Variants in ALPL observed in about 807,000 individuals in gnomAD.
ALPL encodes alkaline phosphatase, biomineralization associated, also known as alkaline phosphatase, tissue-nonspecific isozyme.
ALPL carries 42 observed loss-of-function variants against 51.3 expected under a neutral mutation model. That is an observed-to-expected ratio of 0.82 (90% CI 0.64 to 1.06). ALPL has a LOEUF of 1.06. Ranked by LOEUF, ALPL falls within the 50% of genes least tolerant of loss-of-function variation. The probability of loss-of-function intolerance (pLI) is 0.00; values close to 1 mark genes in which losing one functional copy is unlikely to be tolerated. For synonymous variants in ALPL, 279 were observed against 296.4 expected, an observed-to-expected ratio of 0.94 and a Z score of 0.60; for missense variants, 589 against 709.4, an observed-to-expected ratio of 0.83 and a Z score of 1.93.
intron 6 of ALPL, among the ~76,000 whole-genome samples, chr1:21,567,659 TCTGTGGCCTTCGGGGGAAAAAAC>T (rs1644585019): frequency 6.6e-6 from 1 of 152,254 alleles, no homozygotes; most frequent in Non-Finnish European, 1.5e-5. Context: ...ACTTCCTGGC[TCTGTGGCCTTCGGGGGAAAAAAC>T]CAATTTCTGT....
intron 1 of ALPL, among the ~76,000 whole-genome samples, chr1:21,516,654 A>G (rs1227532901): frequency 1.3e-5 from 2 of 152,352 alleles, no homozygotes; most frequent in South Asian, 2.1e-4. Context: ...TGCAAATGAC[A>G]TAACCCATCT....
At chr1:21,540,648 C>G (rs754615802) in intron 1 of ALPL, among the ~76,000 whole-genome samples, 1 of 152,150 alleles carries the variant, frequency 6.6e-6, no homozygotes, top group Non-Finnish European at 1.5e-5. Flanking sequence ...GAATGCAAGC[C>G]GCCTGCTCGT....
intron 1 of ALPL, among the ~76,000 whole-genome samples, chr1:21,527,251 C>T (rs1313912917): frequency 2.6e-5 from 4 of 152,002 alleles, no homozygotes; most frequent in Non-Finnish European, 5.9e-5. Context: ...AGGCTGGTCT[C>T]GAACTCCCGA....
At chr1:21,519,803 A>G (rs1643865495) in intron 1 of ALPL, among the ~76,000 whole-genome samples, 1 of 152,204 alleles carries the variant, frequency 6.6e-6, no homozygotes, top group African/African-American at 2.4e-5. Context: ...TTTCAAGAAA[A>G]CAAAAAGAAG....
intron 1 of ALPL, among the ~76,000 whole-genome samples, chr1:21,539,615 G>C (rs1010682571): frequency 7.2e-5 from 11 of 151,990 alleles, no homozygotes; most frequent in South Asian, 4.2e-4. Context: ...TGTGACACTG[G>C]GGAGGTTGTG....
Position 21,573,675 on chromosome 1 carries a change from G to T in ALPL, c.873G>T (p.Glu291Asp). 6.2e-7 allele frequency: 1 copy of T among 1,613,912 alleles called. No individual in the cohort carries two copies. Among genetic ancestry groups the T allele is most frequent in the Non-Finnish European group, 8.5e-7 (1 of 1,179,968 alleles). ...HNVDYLLGLF[E>D]PGDMQYELNR... ...TGGCGTCCTCCTCAGGTCTCTTCGA[G>T]CCAGGGGACATGCAGTACGAGCTGA... Residue 291 changes from glutamate (E) to aspartate (D), a missense_variant, in exon 9 of 12, where the codon GAG becomes GAT. By Grantham distance (45) the Glu-to-Asp change is conservative. Transcript: ENST00000374840.
At chr1:21,546,679 G>T (rs1405588961) in intron 1 of ALPL, among the ~76,000 whole-genome samples, 1 of 152,220 alleles carries the variant, frequency 6.6e-6, no homozygotes, top group Non-Finnish European at 1.5e-5. Flanking sequence ...GCCTCCGTAG[G>T]CTGCTGCTAT....
chr1:21,576,962 G>A (rs1195517021), intron 11 of ALPL, among the ~76,000 whole-genome samples: 1 of 152,202 alleles, frequency 6.6e-6, no homozygotes, highest in Admixed American at 6.5e-5. Context: ...CCTGGCACAA[G>A]TAGGTGCTCA....
chr1:21,525,129 G>A (rs1036951696), intron 1 of ALPL, among the ~76,000 whole-genome samples: 2 of 152,200 alleles, frequency 1.3e-5, no homozygotes, highest in African/African-American at 4.8e-5. Flanking sequence ...CAAATCCCTG[G>A]GCTGGCCTGC....
At chr1:21,559,096 C>G (rs563246395) in intron 2 of ALPL, among the ~76,000 whole-genome samples, 5 of 152,132 alleles carry the variant, frequency 3.3e-5, no homozygotes, top group Non-Finnish European at 7.3e-5. Flanking sequence ...GGAGCTGGGC[C>G]AAAAGATGAG....
chr1:21,577,869 G>A lies in ALPL; in HGVS notation c.*221G>A. The A allele has an allele frequency of 1.6e-6, 1 of 626,542 alleles. No individual in the cohort carries two copies. Among genetic ancestry groups the A allele is most frequent in the Non-Finnish European group, 2.8e-6 (1 of 361,548 alleles). The allele number at this position is 626,542 out of a possible 1,614,324, so 38.8% of individuals were successfully genotyped here. A position where few individuals can be genotyped will look rare whatever the true frequency, so the allele number is the denominator to read the frequency against. ...CTCCAGCCTTTGCTCCCTCCCCGCT[G>A]CCCTTTGGCCAACAGGGTAGATTTC... On this transcript the variant is annotated 3_prime_UTR_variant, in exon 12 of 12. Coordinates refer to ENST00000374840, the MANE Select transcript of ALPL (RefSeq NM_000478.6).
chr1:21,555,780 CT>C (rs1225254434), intron 2 of ALPL, among the ~76,000 whole-genome samples: 2 of 150,966 alleles, frequency 1.3e-5, no homozygotes, highest in African/African-American at 4.9e-5. Context: ...TTTTGTTTTT[CT>C]TTTTTTTGAG....
At chr1:21,545,813 A>ATATTT (rs1386233327) in intron 1 of ALPL, among the ~76,000 whole-genome samples, 6 of 151,798 alleles carry the variant, frequency 4.0e-5, no homozygotes, top group South Asian at 2.1e-4. Context: ...TTATTTTTTT[A>ATATTT]TATTTTATTT....
chr1:21,541,387 G>A (rs1335831049), intron 1 of ALPL, among the ~76,000 whole-genome samples: 1 of 152,216 alleles, frequency 6.6e-6, no homozygotes, highest in Non-Finnish European at 1.5e-5. Flanking sequence ...AGCTGGTGAG[G>A]GGCAGAGGCA....
intron 1 of ALPL, among the ~76,000 whole-genome samples, chr1:21,532,664 C>T (rs1465551671): frequency 1.3e-5 from 2 of 152,230 alleles, no homozygotes; most frequent in Admixed American, 6.5e-5. Context: ...CAAACCTCTG[C>T]GTGCACCTTA....
At chr1:21,575,530 C>T (rs903858997) in intron 9 of ALPL, among the ~76,000 whole-genome samples, 5 of 152,178 alleles carry the variant, frequency 3.3e-5, no homozygotes, top group Non-Finnish European at 2.9e-5. Flanking sequence ...CCTTTGGCAC[C>T]GGGGCTGTCC....
chr1:21,563,964 AGG>A (rs1644525174), intron 5 of ALPL, 75 bp from the exon 6 acceptor site: 1 of 1,494,808 alleles, frequency 6.7e-7, no homozygotes, highest in Non-Finnish European at 8.9e-7. Flanking sequence ...TTTAGCGGGG[AGG>A]GGGAAGGGAG....
At chr1:21,563,913 TGA>T in intron 5 of ALPL, 126 bp from the exon 6 acceptor site, 1 of 1,240,284 alleles carries the variant, frequency 8.1e-7, no homozygotes. Flanking sequence ...ATGGGGAGAC[TGA>T]GACCCGGGCA....
In ALPL at chr1:21,554,788, CCTGTCTGTCTGTCTGTCTGTCTGT is replaced by C. The variant is rs369690542; in HGVS notation, c.61+653_61+676del. On this transcript the variant is annotated intron_variant, in intron 2 of 11. Transcript: ENST00000374840. ...TACAGGCGTGAGCCACCGCGCCTGG[CCTGTCTGTCTGTCTGTCTGTCTGT>C]CTGTCTTTCTTTCTTTCTTTCTTTC... Among the ~76,000 whole-genome samples the C allele has an allele frequency of 3.8e-3, 438 of 114,610 alleles. 15 individuals are homozygous for C. The highest frequency in any genetic ancestry group is 0.015 in the African/African-American group (412 of 27,264). The allele number at this position is 114,610 out of a possible 152,430, so 75.2% of individuals were successfully genotyped here.
Sources: gnomAD v4.1 joint callset for allele counts (sites outside exome capture counted in the v4.1 genomes callset) on GRCh38, gnomAD v4.1.1 for gene constraint, MANE v1.5 for transcripts, NCBI Gene and HGNC (gene_info 2026-07-23, HGNC 2026-07-21) for gene names.